The following LGALS4 variants were observed in gnomAD, a reference collection of about 807,000 sequenced individuals.
LGALS4 encodes galectin 4, also known as galectin-4.
A neutral mutation model predicts 39.6 loss-of-function variants in LGALS4; 37 were observed. The ratio of observed to expected loss-of-function variants is 0.93; its 90% CI spans 0.72 to 1.23. The LOEUF is 1.23. LGALS4 is among the 50% of genes most tolerant of loss of function. The pLI is 0.00. For synonymous variants in LGALS4, 160 were observed against 165.5 expected, an observed-to-expected ratio of 0.97 and a Z score of 0.25; for missense variants, 397 against 433.2, an observed-to-expected ratio of 0.92 and a Z score of 0.74.
intron 2 of LGALS4, among the ~76,000 whole-genome samples, chr19:38,811,474 C>G (rs1568353443): frequency 6.7e-6 from 1 of 150,012 alleles, no homozygotes; most frequent in Non-Finnish European, 1.5e-5. Flanking sequence ...CTCTACAAAA[C>G]AAATAATAAT....
chr19:38,807,225 G>A (rs976940382), intron 3 of LGALS4, among the ~76,000 whole-genome samples: 8 of 152,082 alleles, frequency 5.3e-5, no homozygotes, highest in East Asian at 1.9e-4. Context: ...AAAATTAGCC[G>A]GGCGTGGTGG....
chr19:38,807,093 C>A (rs749262487), intron 3 of LGALS4, among the ~76,000 whole-genome samples: 1 of 152,106 alleles, frequency 6.6e-6, no homozygotes, highest in African/African-American at 2.4e-5. Flanking sequence ...ACTGGCCGGG[C>A]GCAGTGGCTC....
intron 1 of LGALS4, 134 bp from the exon 2 acceptor site, chr19:38,812,653 G>T: frequency 2.1e-6 from 2 of 963,890 alleles, no homozygotes; most frequent in Non-Finnish European, 3.3e-6. Context: ...AAGATGACGA[G>T]GGCCAACAGT....
At chr19:38,812,547 C>A (rs775474209) in intron 1 of LGALS4, 28 bp from the exon 2 acceptor site, 2 of 1,598,976 alleles carry the variant, frequency 1.3e-6, no homozygotes, top group Non-Finnish European at 1.7e-6. Flanking sequence ...TGAGGGGACT[C>A]ACAAGCCATC....
intron 2 of LGALS4, 54 bp from the exon 3 acceptor site, chr19:38,809,002 G>A (rs1971459202): frequency 2.0e-6 from 3 of 1,471,238 alleles, no homozygotes; most frequent in South Asian, 1.3e-5. Flanking sequence ...GGGCCTGGGG[G>A]CCTCCTCCAG....
chr19:38,809,431 C>T (rs552675051), intron 2 of LGALS4, among the ~76,000 whole-genome samples: 29 of 151,900 alleles, frequency 1.9e-4, no homozygotes, highest in Admixed American at 7.2e-4. Flanking sequence ...CCACCTGCCT[C>T]GGCTTCCCAA....
chr19:38,801,870 G>A lies in LGALS4; in HGVS notation c.866C>T (p.Ala289Val), dbSNP rs751351750. The change falls in exon 10 of 10, where the codon GCC becomes GTC. Residue 289 changes from alanine to valine, a missense_variant. Transcript: ENST00000307751. ...AAAGTCAAAGAGGTGCTGGCCATTG[G>A]CGTAAACCTTGAAGCGATCCAAGCC... ...RCGLDRFKVY[A>V]NGQHLFDFAH... The A allele has an allele frequency of 1.2e-5, 20 of 1,614,232 alleles. No individual in the cohort carries two copies. Among genetic ancestry groups the A allele is most frequent in the Non-Finnish European group, 1.7e-5 (20 of 1,180,036 alleles).
At chr19:38,804,989 C>T (rs1181624546) in intron 4 of LGALS4, among the ~76,000 whole-genome samples, 2 of 151,702 alleles carry the variant, frequency 1.3e-5, no homozygotes, top group African/African-American at 4.8e-5. Flanking sequence ...AATTCCTCCC[C>T]TCTGTCTTTA....
chr19:38,807,962 C>A (rs1333958592), intron 3 of LGALS4, among the ~76,000 whole-genome samples: 1 of 152,054 alleles, frequency 6.6e-6, no homozygotes, highest in African/African-American at 2.4e-5. Context: ...ATCTCAAGTA[C>A]CCAGGGACAC....
intron 7 of LGALS4, among the ~76,000 whole-genome samples, chr19:38,802,768 C>T (rs1971372899): frequency 6.6e-6 from 1 of 152,106 alleles, no homozygotes; most frequent in Non-Finnish European, 1.5e-5. Flanking sequence ...ACCTCTGCCT[C>T]CTAGGTTCAA....
At chr19:38,809,792 C>G (rs917941736) in intron 2 of LGALS4, among the ~76,000 whole-genome samples, 4 of 151,672 alleles carry the variant, frequency 2.6e-5, no homozygotes, top group Non-Finnish European at 5.9e-5. Flanking sequence ...ACCCAGCCCA[C>G]CTTGCCTTCT....
Position 38,812,412 on chromosome 19 carries a change from G to A in LGALS4, c.134+19C>T. 6.2e-7 allele frequency: 1 copy of A among 1,610,984 alleles called. No homozygotes were observed. Among genetic ancestry groups the A allele is most frequent in the Admixed American group, 1.7e-5 (1 of 59,986 alleles). ...TGGAAGTCCCCTGCCAGCCCGGCCTGGCTTGGGGAGGGTCTTACCGCTTCA... is the reference window on the plus strand; with the variant it reads ...TGGAAGTCCCCTGCCAGCCCGGCCTAGCTTGGGGAGGGTCTTACCGCTTCA... On this transcript the variant is annotated intron_variant, in intron 2 of 9. Coordinates refer to ENST00000307751, the MANE Select transcript of LGALS4 (RefSeq NM_006149.4).
chr19:38,812,604 T>C, intron 1 of LGALS4, 85 bp from the exon 2 acceptor site: 1 of 1,297,240 alleles, frequency 7.7e-7, no homozygotes, highest in Non-Finnish European at 1.1e-6. Context: ...CCCAGTCCCT[T>C]AAGCAGGAGA....
chr19:38,804,048 C>T (rs1398125127), intron 4 of LGALS4, among the ~76,000 whole-genome samples, 153 bp from the exon 5 acceptor site: 2 of 152,130 alleles, frequency 1.3e-5, no homozygotes, highest in Admixed American at 6.5e-5. Flanking sequence ...CACAGATTCA[C>T]GGAGAGGGGC....
chr19:38,803,454 G>T (rs1971384615), intron 7 of LGALS4, 68 bp downstream of exon 7: 3 of 1,526,772 alleles, frequency 2.0e-6, no homozygotes, highest in Non-Finnish European at 2.7e-6. Flanking sequence ...TCCCTTTCTG[G>T]CTGTCTCAGA....
intron 2 of LGALS4, among the ~76,000 whole-genome samples, chr19:38,811,737 G>A (rs1188239913): frequency 1.3e-5 from 2 of 151,818 alleles, no homozygotes; most frequent in South Asian, 2.1e-4. Context: ...GACTGGGCCA[G>A]GCGCAGTGGC....
intron 4 of LGALS4, 89 bp from the exon 5 acceptor site, chr19:38,803,984 A>G: frequency 8.7e-7 from 1 of 1,149,066 alleles, no homozygotes; most frequent in East Asian, 2.8e-5. Context: ...GGGGTGGCCC[A>G]CCACCACCAC....
intron 4 of LGALS4, among the ~76,000 whole-genome samples, chr19:38,806,104 A>G (rs1971418383): frequency 6.6e-6 from 1 of 152,122 alleles, no homozygotes; most frequent in Non-Finnish European, 1.5e-5. Context: ...GCGGTGGCTC[A>G]CGCCTGTAAT....
rs1351548150 is a variant in LGALS4 at position 38,803,617 on chromosome 19, A to G, written c.541-66T>C. The G allele has an allele frequency of 1.3e-5, 21 of 1,600,518 alleles. 1 individual carries two copies. Among genetic ancestry groups the G allele is most frequent in the Non-Finnish European group, 1.7e-5 (20 of 1,168,034 alleles). Reference sequence around the variant, plus strand: ...GACAGATATCTATGACACACCCATTAGACTCCGGCGTTTCTCTAGGTGCTG... The same window carrying G: ...GACAGATATCTATGACACACCCATTGGACTCCGGCGTTTCTCTAGGTGCTG... On this transcript the variant is annotated intron_variant, in intron 6 of 9. Transcript: ENST00000307751.
Sources: allele counts gnomAD v4.1 joint callset (sites outside exome capture counted in the v4.1 genomes callset), GRCh38; gene constraint gnomAD v4.1.1; transcripts MANE v1.5; gene names NCBI Gene and HGNC (gene_info 2026-07-23, HGNC 2026-07-21).